The following PTPRD variants were observed in gnomAD, a reference collection of about 807,000 sequenced individuals.
PTPRD encodes protein tyrosine phosphatase receptor type D.
In PTPRD, 34 loss-of-function variants were observed where a neutral mutation model predicts 214.5. The ratio of observed to expected loss-of-function variants is 0.16; its 90% CI spans 0.12 to 0.21. The LOEUF is 0.21. PTPRD is among the 10% of genes least tolerant of loss of function. The pLI, the probability that PTPRD is intolerant of heterozygous loss-of-function variation, is 1.00. For synonymous variants in PTPRD, 1,128 were observed against 845.7 expected, an observed-to-expected ratio of 1.33 and a Z score of -5.79; for missense variants, 2,545 against 2,398.7, an observed-to-expected ratio of 1.06 and a Z score of -1.27.
chr9:10,092,341 T>A (rs1388980583), intron 3 of PTPRD, among the ~76,000 whole-genome samples: 1 of 151,450 alleles, frequency 6.6e-6, no homozygotes, highest in Non-Finnish European at 1.5e-5. Flanking sequence ...GAAAAGGTGA[T>A]AATGCCTAAC....
At chr9:8,624,702 T>C (rs758276197) in intron 14 of PTPRD, among the ~76,000 whole-genome samples, 5 of 151,858 alleles carry the variant, frequency 3.3e-5, no homozygotes, top group Non-Finnish European at 7.4e-5. Flanking sequence ...GAATTTAACA[T>C]TCAGACTTGA....
intron 36 of PTPRD, among the ~76,000 whole-genome samples, chr9:8,398,198 C>T (rs1249820778): frequency 6.6e-6 from 1 of 152,070 alleles, no homozygotes; most frequent in Non-Finnish European, 1.5e-5. Flanking sequence ...TATGTATTTT[C>T]TTGGTGCCAG....
At chr9:9,304,282 A>G (rs183403544) in intron 9 of PTPRD, among the ~76,000 whole-genome samples, 1 of 152,258 alleles carries the variant, frequency 6.6e-6, no homozygotes, top group African/African-American at 2.4e-5. Flanking sequence ...ATGGGGAGTC[A>G]TAGGTGAAAA....
chr9:8,421,650 T>C (rs759748772), intron 35 of PTPRD, among the ~76,000 whole-genome samples: 11 of 152,174 alleles, frequency 7.2e-5, no homozygotes, highest in Non-Finnish European at 1.6e-4. Flanking sequence ...AGCTGGAGTT[T>C]GGCCCAAATT....
intron 35 of PTPRD, among the ~76,000 whole-genome samples, chr9:8,409,237 A>G (rs569304356): frequency 3.3e-5 from 5 of 152,188 alleles, no homozygotes; most frequent in African/African-American, 1.2e-4. Context: ...TAGATGAGGA[A>G]ACTGAGGTAT....
chr9:10,607,234 G>C (rs577641861), intron 2 of PTPRD, among the ~76,000 whole-genome samples: 1 of 151,816 alleles, frequency 6.6e-6, no homozygotes, highest in African/African-American at 2.4e-5. Context: ...TTATAATATA[G>C]TATTTAGAAA....
chr9:9,582,403 C>T (rs1425516733), intron 7 of PTPRD, among the ~76,000 whole-genome samples: 1 of 152,038 alleles, frequency 6.6e-6, no homozygotes, highest in African/African-American at 2.4e-5. Flanking sequence ...GCCACCCCAA[C>T]CTCTTTGTTT....
In PTPRD at chr9:8,339,148, T is replaced by C. The variant is rs540283400; in HGVS notation, c.5254-101A>G. 1.1e-5 allele frequency: 14 copies of C among 1,247,172 alleles called. No individual in the cohort carries two copies. In the South Asian group the frequency reaches 2.8e-4, roughly 25 times the overall value. The allele number at this position is 1,247,172 out of a possible 1,614,324, so 77.3% of individuals were successfully genotyped here. A position where few individuals can be genotyped will look rare whatever the true frequency, so the allele number is the denominator to read the frequency against. Reference sequence around the variant, plus strand: ...AATCTATCTAATTTCCTTATCCCATTAATAAAATTTCAAAATTCAAGGCAA... The same window carrying C: ...AATCTATCTAATTTCCTTATCCCATCAATAAAATTTCAAAATTCAAGGCAA... On this transcript the variant is annotated intron_variant, in intron 42 of 45. Transcript: ENST00000381196.
intron 2 of PTPRD, among the ~76,000 whole-genome samples, chr9:10,581,047 GC>G (rs2071570391): frequency 6.6e-6 from 1 of 152,082 alleles, no homozygotes; most frequent in African/African-American, 2.4e-5. Context: ...TCTTGGTTCT[GC>G]CACTTCTCGG....
intron 3 of PTPRD, among the ~76,000 whole-genome samples, chr9:10,306,764 T>C (rs1319899781): frequency 1.3e-5 from 2 of 152,162 alleles, no homozygotes; most frequent in African/African-American, 4.8e-5. Flanking sequence ...TGAGCTAATT[T>C]GTGATACAAT....
chr9:9,651,663 T>C (rs2096355212), intron 7 of PTPRD, among the ~76,000 whole-genome samples: 1 of 152,070 alleles, frequency 6.6e-6, no homozygotes, highest in Non-Finnish European at 1.5e-5. Flanking sequence ...TTTAGCTTGA[T>C]TCCATGTCTT....
intron 10 of PTPRD, among the ~76,000 whole-genome samples, chr9:9,171,482 G>A (rs143834073): frequency 1.4e-3 from 220 of 151,812 alleles, no homozygotes; most frequent in Middle Eastern, 6.9e-3. Context: ...ATGAAAAAAT[G>A]CGGGAAGTGA....
intron 7 of PTPRD, among the ~76,000 whole-genome samples, chr9:9,715,266 G>A (rs1246241617): frequency 6.6e-6 from 1 of 152,130 alleles, no homozygotes; most frequent in African/African-American, 2.4e-5. Context: ...TTTGAAGGAA[G>A]ACAATACATT....
intron 3 of PTPRD, among the ~76,000 whole-genome samples, chr9:10,204,129 T>C (rs410601): frequency 0.15 from 23,161 of 152,130 alleles, 2,115 homozygotes; most frequent in East Asian, 0.4. Context: ...CTCTCCATGC[T>C]TTAATTTTGA....
intron 2 of PTPRD, among the ~76,000 whole-genome samples, chr9:10,456,642 C>G (rs991931129): frequency 2.6e-5 from 4 of 151,858 alleles, no homozygotes; most frequent in African/African-American, 9.7e-5. Context: ...TTGATGCAGA[C>G]TCAGACACAG....
chr9:8,593,322 G>C (rs1014299900), intron 14 of PTPRD, among the ~76,000 whole-genome samples: 1 of 152,124 alleles, frequency 6.6e-6, no homozygotes, highest in African/African-American at 2.4e-5. Flanking sequence ...ATATATCTAT[G>C]GTCTCCCTGG....
At chr9:8,910,962 T>C (rs996703875) in intron 11 of PTPRD, among the ~76,000 whole-genome samples, 1 of 152,186 alleles carries the variant, frequency 6.6e-6, no homozygotes, top group African/African-American at 2.4e-5. Flanking sequence ...TATAAATTAA[T>C]GGAGAGACAT....
intron 3 of PTPRD, among the ~76,000 whole-genome samples, chr9:10,282,068 C>CTT (rs1385153096): frequency 2.0e-5 from 3 of 151,412 alleles, no homozygotes; most frequent in Admixed American, 2.0e-4. Flanking sequence ...TAATTTTAGG[C>CTT]TTATGAAGAA....
intron 10 of PTPRD, among the ~76,000 whole-genome samples, chr9:9,040,428 G>T (rs2099636045): frequency 6.6e-6 from 1 of 152,134 alleles, no homozygotes; most frequent in Non-Finnish European, 1.5e-5. Flanking sequence ...AAATCCTAGA[G>T]ATTTTAAAGG....
Sources: gnomAD v4.1 joint callset for allele counts (sites outside exome capture counted in the v4.1 genomes callset) on GRCh38, gnomAD v4.1.1 for gene constraint, MANE v1.5 for transcripts, NCBI Gene and HGNC (gene_info 2026-07-23, HGNC 2026-07-21) for gene names.